The following CERS6 variants were observed in gnomAD, a reference collection of about 807,000 sequenced individuals.
CERS6 encodes the protein LAG1 homolog, ceramide synthase 6.
In CERS6, 26 loss-of-function variants were observed where a neutral mutation model predicts 56.8. That is an observed-to-expected ratio of 0.46 (90% confidence interval 0.34 to 0.63). The LOEUF is 0.63. CERS6 is among the 30% of genes least tolerant of loss of function. CERS6 has a pLI of 0.01. For synonymous variants in CERS6, 164 were observed against 173.3 expected (o/e 0.95, Z 0.42); for missense variants, 415 against 467.5 (o/e 0.89, Z 1.04).
chr2:168,730,524 G>A (rs925199236), intron 8 of CERS6, among the ~76,000 whole-genome samples: 11 of 152,198 alleles, frequency 7.2e-5, no homozygotes, highest in East Asian at 1.9e-4. Context: ...CCATGCAGTC[G>A]TCCAAGGAAG....
chr2:168,581,903 C>T (rs1367883853), intron 3 of CERS6, among the ~76,000 whole-genome samples: 1 of 152,136 alleles, frequency 6.6e-6, no homozygotes, highest in African/African-American at 2.4e-5. Context: ...AGAGTTTATG[C>T]TTATGCTCCT....
chr2:168,565,975 G>A (rs1695876572), intron 3 of CERS6, among the ~76,000 whole-genome samples: 1 of 152,126 alleles, frequency 6.6e-6, no homozygotes, highest in Non-Finnish European at 1.5e-5. Flanking sequence ...TCTGACAATT[G>A]CATCCAAGTG....
intron 3 of CERS6, among the ~76,000 whole-genome samples, chr2:168,567,755 A>G (rs1000356713): frequency 6.6e-6 from 1 of 152,196 alleles, no homozygotes; most frequent in Non-Finnish European, 1.5e-5. Context: ...TTGCCATTTA[A>G]TAGAAAAATG....
chr2:168,686,043 G>T (rs559543112), intron 4 of CERS6, among the ~76,000 whole-genome samples: 4 of 147,778 alleles, frequency 2.7e-5, no homozygotes, highest in African/African-American at 7.6e-5. Flanking sequence ...CTCTTATGAT[G>T]CTGTTAGTCA....
At chr2:168,609,099 C>G (rs1684124309) in intron 3 of CERS6, among the ~76,000 whole-genome samples, 1 of 152,200 alleles carries the variant, frequency 6.6e-6, no homozygotes, top group African/African-American at 2.4e-5. Context: ...GTGCATCTGT[C>G]AAAGGTGACT....
intron 1 of CERS6, among the ~76,000 whole-genome samples, chr2:168,515,668 G>A (rs989739484): frequency 3.3e-5 from 5 of 152,236 alleles, no homozygotes; most frequent in East Asian, 1.9e-4. Context: ...CATATTTTGA[G>A]CATTACTAGC....
At chr2:168,652,657 C>T (rs933853537) in intron 4 of CERS6, among the ~76,000 whole-genome samples, 4 of 148,356 alleles carry the variant, frequency 2.7e-5, no homozygotes, top group East Asian at 2.0e-4. Context: ...AAAGCTTAAT[C>T]GGATTTGATT....
At chr2:168,549,782 C>T (rs185215873) in intron 2 of CERS6, among the ~76,000 whole-genome samples, 4 of 152,194 alleles carry the variant, frequency 2.6e-5, no homozygotes, top group African/African-American at 7.2e-5. Context: ...AAAGTTGGAA[C>T]TGTTTTCCCT....
At chr2:168,545,089 G>A (rs1325561561) in intron 1 of CERS6, among the ~76,000 whole-genome samples, 2 of 151,898 alleles carry the variant, frequency 1.3e-5, no homozygotes, top group African/African-American at 4.8e-5. Context: ...ATACATACAT[G>A]TATTTGTAGA....
At chr2:168,535,850 A>G (rs577620389) in intron 1 of CERS6, among the ~76,000 whole-genome samples, 1 of 151,058 alleles carries the variant, frequency 6.6e-6, no homozygotes, top group South Asian at 2.1e-4. Flanking sequence ...CACATTATAA[A>G]ACTCAGCCTG....
chr2:168,570,220 C>G (rs954981354), intron 3 of CERS6, among the ~76,000 whole-genome samples: 2 of 152,186 alleles, frequency 1.3e-5, no homozygotes, highest in African/African-American at 4.8e-5. Context: ...GGACTATCAA[C>G]TTGGGCATTA....
intron 4 of CERS6, among the ~76,000 whole-genome samples, chr2:168,638,439 A>AG (rs940427920): frequency 6.6e-6 from 1 of 151,986 alleles, no homozygotes; most frequent in Admixed American, 6.6e-5. Flanking sequence ...CAAAAAAAAA[A>AG]AGTATCAAAA....
intron 1 of CERS6, among the ~76,000 whole-genome samples, chr2:168,469,400 A>G (rs1432130075): frequency 6.6e-6 from 1 of 152,234 alleles, no homozygotes; most frequent in Non-Finnish European, 1.5e-5. Flanking sequence ...TGGGTTGTCT[A>G]TTAAATGAGG....
intron 1 of CERS6, among the ~76,000 whole-genome samples, chr2:168,529,592 T>C (rs1467175793): frequency 1.3e-5 from 2 of 152,170 alleles, no homozygotes; most frequent in East Asian, 3.8e-4. Flanking sequence ...CTCATAAACA[T>C]GTGTCACCAA....
At chr2:168,494,188 G>T (rs1052441744) in intron 1 of CERS6, among the ~76,000 whole-genome samples, 3 of 152,160 alleles carry the variant, frequency 2.0e-5, no homozygotes, top group Non-Finnish European at 4.4e-5. Context: ...AATATGGTCT[G>T]CTCTTTACCA....
intron 3 of CERS6, among the ~76,000 whole-genome samples, chr2:168,608,640 G>A (rs186725818): frequency 5.3e-5 from 8 of 152,204 alleles, no homozygotes; most frequent in Admixed American, 5.2e-4. Flanking sequence ...TAATGATGTT[G>A]CATTATCATT....
At chr2:168,510,685 T>G (rs1694763285) in intron 1 of CERS6, among the ~76,000 whole-genome samples, 5 of 152,228 alleles carry the variant, frequency 3.3e-5, no homozygotes, top group Admixed American at 3.3e-4. Flanking sequence ...GTTCAGTGTT[T>G]TTTTCTTTTT....
At chr2:168,709,973 G>T (rs573315542) in intron 6 of CERS6, among the ~76,000 whole-genome samples, 1 of 152,286 alleles carries the variant, frequency 6.6e-6, no homozygotes, top group Non-Finnish European at 1.5e-5. Flanking sequence ...AAGCAGAAAT[G>T]TAAAAGGTGA....
intron 3 of CERS6, among the ~76,000 whole-genome samples, chr2:168,578,047 T>C (rs553803329): frequency 1.3e-5 from 2 of 152,270 alleles, no homozygotes; most frequent in East Asian, 3.9e-4. Flanking sequence ...GATGAATCAC[T>C]ATAGGAATGG....
Sources: gnomAD v4.1 joint callset for allele counts (sites outside exome capture counted in the v4.1 genomes callset) on GRCh38, gnomAD v4.1.1 for gene constraint, MANE v1.5 for transcripts, NCBI Gene and HGNC (gene_info 2026-07-23, HGNC 2026-07-21) for gene names.